EYS: variants seen among roughly 807,000 people sequenced by gnomAD.
The protein encoded by EYS is protein eyes shut homolog.
A neutral mutation model predicts 282.1 loss-of-function variants in EYS; 250 were observed. The ratio of observed to expected loss-of-function variants is 0.89; its 90% confidence interval spans 0.80 to 0.98. The LOEUF is 0.98. Ranked by LOEUF, EYS falls within the 50% of genes least tolerant of loss-of-function variation. The pLI is 0.00. For synonymous variants in EYS, 1,355 were observed against 1,282.9 expected (o/e 1.06, Z -1.20); for missense variants, 4,016 against 3,709.0 (o/e 1.08, Z -2.15).
intron 22 of EYS, among the ~76,000 whole-genome samples, chr6:64,659,093 G>A (rs990063338): frequency 9.2e-5 from 14 of 151,808 alleles, no homozygotes; most frequent in South Asian, 4.2e-4. Context: ...ACTCAAAACC[G>A]CTCAACTACA....
chr6:63,829,272 C>A (rs952714895), intron 36 of EYS, among the ~76,000 whole-genome samples: 1 of 152,186 alleles, frequency 6.6e-6, no homozygotes, highest in East Asian at 1.9e-4. Context: ...GGTATCACCT[C>A]ACCCGGGAAA....
intron 1 of EYS, among the ~76,000 whole-genome samples, chr6:65,662,860 T>A (rs1227431944): frequency 6.6e-6 from 1 of 152,078 alleles, no homozygotes; most frequent in African/African-American, 2.4e-5. Flanking sequence ...ATGTGACGAT[T>A]TAGATAAACT....
chr6:64,094,291 CT>C (rs200036166), intron 31 of EYS, among the ~76,000 whole-genome samples: 3 of 151,944 alleles, frequency 2.0e-5, no homozygotes, highest in African/African-American at 7.3e-5. Flanking sequence ...AGGAGGATTC[CT>C]TTTTTTTCTA....
chr6:64,073,990 T>C (rs1771679403), intron 32 of EYS, among the ~76,000 whole-genome samples: 1 of 151,820 alleles, frequency 6.6e-6, no homozygotes, highest in Non-Finnish European at 1.5e-5. Flanking sequence ...CCTATCCTTT[T>C]CTTGAAATAT....
At chr6:64,721,758 A>T (rs1771589536) in intron 22 of EYS, among the ~76,000 whole-genome samples, 1 of 152,210 alleles carries the variant, frequency 6.6e-6, no homozygotes, top group East Asian at 1.9e-4. Context: ...TCATTTTTAT[A>T]GAATAATGAT....
At chr6:64,491,452 GA>G (rs947552466) in intron 26 of EYS, among the ~76,000 whole-genome samples, 35 of 150,766 alleles carry the variant, frequency 2.3e-4, no homozygotes, top group African/African-American at 8.5e-4. Flanking sequence ...CAAATTTTCA[GA>G]AATATTTTTA....
chr6:64,156,572 A>G (rs1774929638), intron 31 of EYS, among the ~76,000 whole-genome samples: 1 of 152,186 alleles, frequency 6.6e-6, no homozygotes, highest in African/African-American at 2.4e-5. Context: ...AAAATGTGGA[A>G]AGTTTGGAAC....
At chr6:64,697,300 A>T (rs1393276502) in intron 22 of EYS, among the ~76,000 whole-genome samples, 5 of 152,180 alleles carry the variant, frequency 3.3e-5, no homozygotes, top group African/African-American at 1.2e-4. Context: ...AAAAAAAGAC[A>T]AAAAGGTCAT....
chr6:64,685,405 T>C (rs1364685462), intron 22 of EYS, among the ~76,000 whole-genome samples: 1 of 152,208 alleles, frequency 6.6e-6, no homozygotes, highest in Non-Finnish European at 1.5e-5. Context: ...TTGATCCGTA[T>C]TGTTGAAGTT....
intron 33 of EYS, among the ~76,000 whole-genome samples, chr6:64,044,635 CAT>C (rs1053385637): frequency 7.9e-5 from 12 of 152,210 alleles, no homozygotes; most frequent in Admixed American, 2.6e-4. Context: ...ATTCCCCACA[CAT>C]GTCTTAGAGT....
chr6:65,068,542 C>T (rs970751843), intron 12 of EYS, among the ~76,000 whole-genome samples: 7 of 151,980 alleles, frequency 4.6e-5, no homozygotes, highest in Non-Finnish European at 1.0e-4. Flanking sequence ...ATCAGGAAAG[C>T]AGAGAGTAGT....
chr6:63,966,838 C>T (rs1766334251), intron 35 of EYS, among the ~76,000 whole-genome samples: 2 of 152,104 alleles, frequency 1.3e-5, no homozygotes, highest in African/African-American at 4.8e-5. Flanking sequence ...TATTACCTTC[C>T]CCCTGCAAGG....
chr6:64,465,285 G>T (rs1251669821), intron 26 of EYS, among the ~76,000 whole-genome samples: 13 of 151,936 alleles, frequency 8.6e-5, no homozygotes. Flanking sequence ...GGAGCCACAA[G>T]AAAAATCCTG....
intron 22 of EYS, among the ~76,000 whole-genome samples, chr6:64,710,892 A>T (rs1771190035): frequency 6.6e-6 from 1 of 152,234 alleles, no homozygotes; most frequent in Non-Finnish European, 1.5e-5. Flanking sequence ...GTTCAAAAGC[A>T]GCAGCCTGGT....
intron 16 of EYS, among the ~76,000 whole-genome samples, chr6:64,907,608 C>T (rs544964506): frequency 2.0e-5 from 3 of 152,294 alleles, no homozygotes; most frequent in Admixed American, 6.5e-5. Context: ...CCAAACACTT[C>T]TATCCTACTA....
chr6:63,881,440 C>T (rs12204149), intron 35 of EYS, among the ~76,000 whole-genome samples: 55,647 of 152,012 alleles, frequency 0.37, 10,642 homozygotes, highest in South Asian at 0.47. Context: ...TTGTATTTAG[C>T]AAGAATCGTT....
intron 37 of EYS, among the ~76,000 whole-genome samples, chr6:63,799,404 CAT>C (rs1016906318): frequency 7.2e-5 from 11 of 152,074 alleles, no homozygotes; most frequent in African/African-American, 2.4e-4. Flanking sequence ...AACAGTGCTA[CAT>C]GTTTCCCCTC....
At chr6:63,926,302 A>G (rs1327276003) in intron 35 of EYS, among the ~76,000 whole-genome samples, 3 of 152,248 alleles carry the variant, frequency 2.0e-5, no homozygotes, top group African/African-American at 7.2e-5. Flanking sequence ...TAAGCTATAC[A>G]AAGGGAACAA....
intron 22 of EYS, among the ~76,000 whole-genome samples, chr6:64,801,143 TA>T (rs1003912886): frequency 1.4e-4 from 21 of 151,594 alleles, no homozygotes; most frequent in African/African-American, 3.6e-4. Flanking sequence ...TCTGAATGTT[TA>T]AAAAAAAATC....
Sources: gnomAD v4.1 joint callset for allele counts (sites outside exome capture counted in the v4.1 genomes callset) on GRCh38, gnomAD v4.1.1 for gene constraint, MANE v1.5 for transcripts, NCBI Gene and HGNC (gene_info 2026-07-23, HGNC 2026-07-21) for gene names.